NDUFAF6: variants seen among roughly 807,000 people sequenced by gnomAD.
NDUFAF6 encodes NADH dehydrogenase (ubiquinone) complex I, assembly factor 6.
Under a neutral mutation model 40.8 loss-of-function variants are expected in NDUFAF6, and 45 were observed. The observed-to-expected ratio is 1.10, with a 90% CI of 0.87 to 1.42. NDUFAF6 has a LOEUF of 1.42. Among genes scored for constraint, NDUFAF6 ranks in the 40% most tolerant of loss-of-function variants. The pLI is 0.00. For synonymous variants in NDUFAF6, 185 were observed against 155.9 expected, an observed-to-expected ratio of 1.19 and a Z score of -1.39; for missense variants, 435 against 418.5, an observed-to-expected ratio of 1.04 and a Z score of -0.34.
chr8:94,904,886 A>G (rs568104649), intron 1 of NDUFAF6, among the ~76,000 whole-genome samples: 5 of 152,244 alleles, frequency 3.3e-5, no homozygotes, highest in East Asian at 1.9e-4. Context: ...AAAAAATCAT[A>G]ATAGAATATT....
At chr8:95,095,408 T>C (rs1809423839), upstream of NDUFAF6, among the ~76,000 whole-genome samples, 1 of 152,084 alleles carries the variant, frequency 6.6e-6, no homozygotes, top group African/African-American at 2.4e-5. Context: ...CCTTGGCCGC[T>C]CTCTGTGCCC....
At chr8:94,997,641 A>C (rs570422951) in intron 2 of NDUFAF6, among the ~76,000 whole-genome samples, 1 of 152,306 alleles carries the variant, frequency 6.6e-6, no homozygotes, top group East Asian at 1.9e-4. Context: ...AGGGCTACCT[A>C]TTATTAGTGT....
intron 2 of NDUFAF6, among the ~76,000 whole-genome samples, chr8:94,998,461 C>G (rs1470820671): frequency 2.0e-5 from 3 of 151,768 alleles, no homozygotes; most frequent in Non-Finnish European, 4.4e-5. Flanking sequence ...ACTTTTTTTC[C>G]CCACTTACTA....
chr8:95,078,623 G>A (rs915650580), downstream of NDUFAF6: 1 of 146,116 alleles, frequency 6.8e-6, no homozygotes, highest in African/African-American at 2.6e-5. Context: ...TCCAGCCTGG[G>A]TGACACAGTG....
intron 1 of NDUFAF6, among the ~76,000 whole-genome samples, chr8:94,976,636 T>A (rs962871984): frequency 6.6e-6 from 1 of 151,306 alleles, no homozygotes; most frequent in East Asian, 2.0e-4. Flanking sequence ...ATCACACCAC[T>A]GCACTCCAAC....
upstream of NDUFAF6, among the ~76,000 whole-genome samples, chr8:95,022,005 A>C (rs1028637262): frequency 5.9e-5 from 9 of 152,204 alleles, no homozygotes; most frequent in Non-Finnish European, 1.2e-4. Flanking sequence ...TAGTGTCAGA[A>C]GGGTTGCATA....
At chr8:95,035,854 A>G (rs1330828147) in intron 3 of NDUFAF6, among the ~76,000 whole-genome samples, 1 of 152,246 alleles carries the variant, frequency 6.6e-6, no homozygotes, top group Non-Finnish European at 1.5e-5. Flanking sequence ...TTGCCTGCAG[A>G]ATTTAAATCC....
At chr8:94,947,009 A>C (rs1039601237) in intron 2 of NDUFAF6, among the ~76,000 whole-genome samples, 4 of 152,198 alleles carry the variant, frequency 2.6e-5, no homozygotes, top group Admixed American at 2.6e-4. Context: ...TACAATTTAC[A>C]GAATGCTTAT....
intron 4 of NDUFAF6, among the ~76,000 whole-genome samples, chr8:95,041,938 A>AGAGTATCTGGTGACC (rs1830195788): frequency 1.3e-5 from 2 of 152,166 alleles, no homozygotes; most frequent in African/African-American, 4.8e-5. Flanking sequence ...ATCTGGTGAC[A>AGAGTATCTGGTGACC]TGTTAAAGAA....
chr8:95,081,316 T>C (rs1003361175), intron 2 of NDUFAF6, among the ~76,000 whole-genome samples: 8 of 151,818 alleles, frequency 5.3e-5, no homozygotes, highest in Non-Finnish European at 1.2e-4. Flanking sequence ...GGGACTACAG[T>C]GCACTACCAT....
chr8:95,074,110 T>C (rs1832959164), intron 9 of NDUFAF6, among the ~76,000 whole-genome samples: 1 of 152,172 alleles, frequency 6.6e-6, no homozygotes, highest in African/African-American at 2.4e-5. Flanking sequence ...AGGTTGGCTA[T>C]GATTTGATCG....
chr8:95,031,049 C>T (rs1191202917), intron 1 of NDUFAF6, among the ~76,000 whole-genome samples: 5 of 152,212 alleles, frequency 3.3e-5, no homozygotes, highest in African/African-American at 1.2e-4. Flanking sequence ...AGGGATCCAC[C>T]CCTGTGACCC....
chr8:94,907,126 C>G (rs1434514202), intron 1 of NDUFAF6, among the ~76,000 whole-genome samples: 11 of 152,194 alleles, frequency 7.2e-5, no homozygotes, highest in Admixed American at 6.5e-4. Flanking sequence ...AACAGTCTCA[C>G]AAGAGCTGCA....
chr8:94,899,785 A>G (rs1378969135), intron 1 of NDUFAF6, among the ~76,000 whole-genome samples: 1 of 152,200 alleles, frequency 6.6e-6, no homozygotes, highest in Non-Finnish European at 1.5e-5. Flanking sequence ...TGCCTCTTGC[A>G]GTCTGCCTTC....
chr8:95,058,562 C>G lies in NDUFAF6; in HGVS notation c.*625C>G. The G allele has an allele frequency of 8.2e-7, 1 of 1,213,826 alleles. No individual in the cohort carries two copies. The highest frequency in any genetic ancestry group is 1.0e-6 in the Non-Finnish European group (1 of 977,442). 75.2% of individuals were successfully genotyped at this position (1,213,826 alleles called of 1,614,324 possible). A position where few individuals can be genotyped will look rare whatever the true frequency, so the allele number is the denominator to read the frequency against. Reference sequence around the variant, plus strand: ...TAATTTGACTTTAGCTCTGGCTGGTCTGGAAGCTTTTACTTTTTTGTTAAT... The same window carrying G: ...TAATTTGACTTTAGCTCTGGCTGGTGTGGAAGCTTTTACTTTTTTGTTAAT... On this transcript the variant is annotated 3_prime_UTR_variant, in exon 9 of 9. Coordinates refer to ENST00000396124, the MANE Select transcript of NDUFAF6 (RefSeq NM_152416.4).
chr8:95,105,152 G>T (rs1465384737), downstream of NDUFAF6, among the ~76,000 whole-genome samples: 1 of 151,178 alleles, frequency 6.6e-6, no homozygotes, highest in Non-Finnish European at 1.5e-5. Context: ...AGTAGCCTCA[G>T]TTCCAGATGG....
intron 5 of NDUFAF6, among the ~76,000 whole-genome samples, chr8:95,046,388 C>CT (rs1434918034): frequency 1.1e-4 from 16 of 152,300 alleles, no homozygotes; most frequent in Middle Eastern, 3.4e-3. Flanking sequence ...TCTTTCTCTG[C>CT]TTTTTTAAAA....
chr8:95,088,367 G>A (rs141761274), intron 2 of NDUFAF6, among the ~76,000 whole-genome samples: 14 of 152,302 alleles, frequency 9.2e-5, no homozygotes, highest in African/African-American at 3.4e-4. Flanking sequence ...AAGGTAACTG[G>A]AAGGATCAAA....
chr8:95,040,749 C>G (rs1830053915), intron 3 of NDUFAF6: 1 of 152,238 alleles, frequency 6.6e-6, no homozygotes, highest in African/African-American at 2.4e-5. Context: ...ACAGCGGCTG[C>G]TATGTCCTTG....
Sources: allele counts gnomAD v4.1 joint callset (sites outside exome capture counted in the v4.1 genomes callset), GRCh38; gene constraint gnomAD v4.1.1; transcripts MANE v1.5; gene names NCBI Gene and HGNC (gene_info 2026-07-23, HGNC 2026-07-21).